Variants in PDE1C observed in about 807,000 individuals in gnomAD.
PDE1C encodes the protein dual specificity calcium/calmodulin-dependent 3',5'-cyclic nucleotide phosphodiesterase 1C.
In PDE1C, 62 loss-of-function variants were observed where a neutral mutation model predicts 93.1. The ratio of observed to expected loss-of-function variants is 0.67; its 90% CI spans 0.54 to 0.82. The LOEUF is 0.82. Ranked by LOEUF, PDE1C falls within the 40% of genes least tolerant of loss-of-function variation. The probability of loss-of-function intolerance (pLI) is 0.00; values close to 1 mark genes in which losing one functional copy is unlikely to be tolerated. For synonymous variants in PDE1C, 325 were observed against 310.1 expected (o/e 1.05, Z -0.50); for missense variants, 742 against 884.6 (o/e 0.84, Z 2.04).
At chr7:32,099,332 A>T (rs1298676545) in intron 3 of PDE1C, among the ~76,000 whole-genome samples, 1 of 152,198 alleles carries the variant, frequency 6.6e-6, no homozygotes, top group African/African-American at 2.4e-5. Context: ...AAGAACCTTC[A>T]GGGGAATGAG....
chr7:32,017,238 T>C (rs1427915525), intron 2 of PDE1C, among the ~76,000 whole-genome samples: 3 of 152,148 alleles, frequency 2.0e-5, no homozygotes, highest in Non-Finnish European at 4.4e-5. Context: ...GATAATTCAA[T>C]GAGAAAATAA....
At chr7:32,178,597 C>T (rs1238544983) in intron 2 of PDE1C, among the ~76,000 whole-genome samples, 1 of 152,142 alleles carries the variant, frequency 6.6e-6, no homozygotes, top group Non-Finnish European at 1.5e-5. Context: ...AAAAATAATG[C>T]AGCTCAGGTG....
intron 6 of PDE1C, among the ~76,000 whole-genome samples, chr7:31,870,403 A>C (rs551382756): frequency 1.2e-4 from 18 of 152,094 alleles, no homozygotes; most frequent in Non-Finnish European, 2.1e-4. Flanking sequence ...AAACAACATC[A>C]GAAGTGAAAA....
At chr7:31,928,081 T>C (rs1287709265) in intron 2 of PDE1C, among the ~76,000 whole-genome samples, 1 of 152,010 alleles carries the variant, frequency 6.6e-6, no homozygotes, top group African/African-American at 2.4e-5. Context: ...ATAACCAGTT[T>C]AGGGAAGAAC....
chr7:32,062,055 C>CT, intron 1 of PDE1C, among the ~76,000 whole-genome samples: 1 of 152,244 alleles, frequency 6.6e-6, no homozygotes, highest in Middle Eastern at 3.4e-3. Flanking sequence ...TTCCCCATAT[C>CT]TCCCCTCATA....
At chr7:31,652,807 A>T in the PDE1C span, 1 of 1,613,214 alleles carries the variant, frequency 6.2e-7, no homozygotes, top group African/African-American at 1.3e-5. Flanking sequence ...GTTGGAGAAA[A>T]GGATGCAGAT....
chr7:31,661,141 A>C, the PDE1C span, among the ~76,000 whole-genome samples: 1 of 152,112 alleles, frequency 6.6e-6, no homozygotes, highest in Non-Finnish European at 1.5e-5. Context: ...AAATAAGTCT[A>C]TATCAGTCAG....
intron 2 of PDE1C, among the ~76,000 whole-genome samples, chr7:32,170,204 A>G (rs531702536): frequency 6.6e-6 from 1 of 152,184 alleles, no homozygotes; most frequent in Non-Finnish European, 1.5e-5. Context: ...AGTGGTGATC[A>G]GCCCAAACTC....
At chr7:32,220,824 A>T (rs1806800913) in intron 1 of PDE1C, among the ~76,000 whole-genome samples, 1 of 152,162 alleles carries the variant, frequency 6.6e-6, no homozygotes, top group African/African-American at 2.4e-5. Context: ...TCTCAAAAAA[A>T]CAAAAACAAA....
At chr7:31,895,087 C>G (rs900166681) in intron 2 of PDE1C, among the ~76,000 whole-genome samples, 1 of 152,132 alleles carries the variant, frequency 6.6e-6, no homozygotes, top group Non-Finnish European at 1.5e-5. Flanking sequence ...TAGAGGAAGG[C>G]CACAGTTCAG....
At chr7:31,755,983 T>C (rs1248205204) in intron 17 of PDE1C, among the ~76,000 whole-genome samples, 2 of 152,118 alleles carry the variant, frequency 1.3e-5, no homozygotes, top group Admixed American at 6.6e-5. Flanking sequence ...CTGACCAACA[T>C]GGTGAAACCC....
intron 1 of PDE1C, among the ~76,000 whole-genome samples, chr7:32,052,681 A>G (rs1305830261): frequency 2.6e-5 from 4 of 152,202 alleles, no homozygotes; most frequent in Non-Finnish European, 4.4e-5. Flanking sequence ...TTTGTAAACT[A>G]AAGAGGTTTC....
At chr7:32,374,262 A>AGAAAGAAAG (rs1491293575) in intron 1 of PDE1C, among the ~76,000 whole-genome samples, 10 of 125,010 alleles carry the variant, frequency 8.0e-5, no homozygotes, top group Non-Finnish European at 3.4e-5. Flanking sequence ...AAAGGAAGAA[A>AGAAAGAAAG]GAAAGAAAGA....
the PDE1C span, among the ~76,000 whole-genome samples, chr7:31,633,256 C>G: frequency 1.3e-5 from 2 of 151,952 alleles, no homozygotes. Flanking sequence ...GAAAGGAGTT[C>G]GACACATTCT....
At chr7:32,165,136 G>A (rs908106878) in intron 3 of PDE1C, among the ~76,000 whole-genome samples, 14 of 152,192 alleles carry the variant, frequency 9.2e-5, no homozygotes, top group Non-Finnish European at 1.6e-4. Context: ...AGGGCCCACA[G>A]TGTCTGCACG....
At chr7:31,710,615 A>C in the PDE1C span, among the ~76,000 whole-genome samples, 1 of 151,904 alleles carries the variant, frequency 6.6e-6, no homozygotes, top group African/African-American at 2.4e-5. Flanking sequence ...CAAAGCAATT[A>C]TTTTTGCTAG....
intron 1 of PDE1C, among the ~76,000 whole-genome samples, chr7:32,341,173 C>CTTTTTTTTTTTTTTTT (rs3079623): frequency 1.5e-4 from 13 of 84,950 alleles, no homozygotes; most frequent in African/African-American, 5.2e-4. Context: ...GAAATAAAGT[C>CTTTTTTTTTTTTTTTT]TTTTTTTTTT....
chr7:31,811,394 T>C (rs1164884837), intron 15 of PDE1C, among the ~76,000 whole-genome samples: 2 of 151,974 alleles, frequency 1.3e-5, no homozygotes, highest in Non-Finnish European at 2.9e-5. Flanking sequence ...GGTGGAAGAA[T>C]TGAGGAGCAG....
chr7:31,884,068 G>T (rs569182170), intron 2 of PDE1C, among the ~76,000 whole-genome samples: 2 of 152,274 alleles, frequency 1.3e-5, no homozygotes, highest in East Asian at 3.9e-4. Context: ...ATGTAACCCT[G>T]TCTTTCCAGC....
Sources: allele counts gnomAD v4.1 joint callset (sites outside exome capture counted in the v4.1 genomes callset), GRCh38; gene constraint gnomAD v4.1.1; transcripts MANE v1.5; gene names NCBI Gene and HGNC (gene_info 2026-07-23, HGNC 2026-07-21).